ZNF33A: variants seen among roughly 807,000 people sequenced by gnomAD.
The protein encoded by ZNF33A is brain my041 protein.
Under a neutral mutation model 15.9 loss-of-function variants are expected in ZNF33A, and 9 were observed. That is an observed-to-expected ratio of 0.57 (90% CI 0.34 to 0.99). The LOEUF (loss-of-function observed/expected upper bound fraction) is 0.99, where lower values mean the gene tolerates loss of function less well. Ranked by LOEUF, ZNF33A falls within the 50% of genes least tolerant of loss-of-function variation. The probability of loss-of-function intolerance (pLI) is 0.02; values close to 1 mark genes in which losing one functional copy is unlikely to be tolerated. For synonymous variants in ZNF33A, 294 were observed against 324.2 expected, an observed-to-expected ratio of 0.91 and a Z score of 1.00; for missense variants, 843 against 941.6, an observed-to-expected ratio of 0.90 and a Z score of 1.37.
rs536006069 is a variant in ZNF33A, at chr10:38,017,326, C to T, written c.190C>T (p.Leu64=). 1 of 1,613,854 alleles carries T rather than the reference C, an allele frequency of 6.2e-7. No homozygotes were observed. The highest frequency in any genetic ancestry group is 8.5e-7 in the Non-Finnish European group (1 of 1,179,952). The change falls in exon 4 of 5, where the codon CTG becomes TTG. Residue 64 remains leucine, a synonymous_variant. Coordinates refer to ENST00000432900, the MANE Select transcript of ZNF33A (RefSeq NM_006954.2). ...CVHKPEVIFR[L]QQGEEPWKQE... ...TCACAAACCAGAGGTGATCTTCAGGCTGCAACAAGGAGAAGAGCCATGGAA... is the reference window on the plus strand; with the variant it reads ...TCACAAACCAGAGGTGATCTTCAGGTTGCAACAAGGAGAAGAGCCATGGAA...
chr10:38,067,741 A>G (rs575672502), downstream of ZNF33A, among the ~76,000 whole-genome samples: 19 of 152,338 alleles, frequency 1.2e-4, no homozygotes, highest in Non-Finnish European at 1.6e-4. Context: ...GCCATTCATA[A>G]CATTGCACAC....
intron 4 of ZNF33A, among the ~76,000 whole-genome samples, chr10:38,046,708 A>G (rs2065959913): frequency 6.6e-6 from 1 of 152,240 alleles, no homozygotes; most frequent in African/African-American, 2.4e-5. Context: ...CAGAATTGCC[A>G]TAGATATTAG....
intron 1 of ZNF33A, among the ~76,000 whole-genome samples, chr10:38,011,173 A>T (rs578183596): frequency 6.6e-6 from 1 of 152,328 alleles, no homozygotes; most frequent in Admixed American, 6.5e-5. Context: ...GGTTGCACGT[A>T]TTGCATTCAT....
chr10:38,030,232 A>G (rs1419782770), intron 4 of ZNF33A, among the ~76,000 whole-genome samples: 2 of 152,214 alleles, frequency 1.3e-5, no homozygotes, highest in East Asian at 1.9e-4. Flanking sequence ...TAGCATGTCA[A>G]TCACTAGTTG....
downstream of ZNF33A, chr10:38,064,312 A>G: frequency 1.8e-6 from 1 of 557,642 alleles, no homozygotes. Context: ...AGACATTTCT[A>G]CTTCAAAGAG....
chr10:38,055,901 A>G lies in ZNF33A; in HGVS notation c.1777A>G (p.Lys593Glu). 1 of 1,614,078 alleles carries G rather than the reference A, an allele frequency of 6.2e-7. No individual in the cohort carries two copies. The highest frequency in any genetic ancestry group is 8.5e-7 in the Non-Finnish European group (1 of 1,179,992). ...TGAATGTGGAAAAATCTTTTACAAT[A>G]AATCATACCTAACTAAACATAATAG... ...CHECGKIFYN[K>E]SYLTKHNRTH... is the part of the protein sequence containing the mutation. Residue 593 changes from lysine to glutamate, a missense_variant, in exon 5 of 5, where the codon AAA (lysine) becomes GAA (glutamate). Transcript: ENST00000432900.
downstream of ZNF33A, among the ~76,000 whole-genome samples, chr10:38,066,689 C>T (rs990758554): frequency 1.3e-5 from 2 of 151,912 alleles, no homozygotes; most frequent in Non-Finnish European, 2.9e-5. Context: ...AACCCCAGCA[C>T]TTTGGGAGGC....
chr10:38,048,269 A>G (rs2066045476), intron 4 of ZNF33A, among the ~76,000 whole-genome samples: 1 of 152,202 alleles, frequency 6.6e-6, no homozygotes, highest in Non-Finnish European at 1.5e-5. Flanking sequence ...AATCTCTAAA[A>G]AGTATATTGT....
intron 4 of ZNF33A, among the ~76,000 whole-genome samples, chr10:38,036,082 G>T (rs767325117): frequency 1.3e-5 from 2 of 152,082 alleles, no homozygotes; most frequent in Non-Finnish European, 2.9e-5. Flanking sequence ...AATCCAAATA[G>T]AATGCAACAT....
rs2066411772 is a variant in ZNF33A at position 38,055,241 on chromosome 10, A to C, written c.1117A>C (p.Thr373Pro). Residue 373 changes from threonine (T) to proline (P), a missense_variant, in exon 5 of 5, where the codon ACT (threonine) becomes CCT (proline). By Grantham distance (38) the Thr-to-Pro change is conservative. Transcript: ENST00000432900. ...AGCTTTCTGGGATAAGTCAAACCTC[A>C]CTAAACATCAAAGATCACACACAGG... is the stretch of plus-strand genomic sequence containing the variant. ...EKAFWDKSNL[T>P]KHQRSHTGEK... The C allele has an allele frequency of 6.2e-7, 1 of 1,614,066 alleles. No homozygotes were observed. The highest frequency in any genetic ancestry group is 8.5e-7 in the Non-Finnish European group (1 of 1,180,008).
At chr10:38,019,314 C>T (rs903948279) in intron 4 of ZNF33A, among the ~76,000 whole-genome samples, 1 of 152,112 alleles carries the variant, frequency 6.6e-6, no homozygotes, top group Non-Finnish European at 1.5e-5. Context: ...AGGACATGAA[C>T]TCATCATTTT....
chr10:38,014,675 G>T lies in ZNF33A; in HGVS notation c.10-2196G>T, dbSNP rs76095892. Among the ~76,000 whole-genome samples, 990 of 152,090 alleles carry T rather than the reference G, an allele frequency of 6.5e-3. 12 individuals are homozygous for T. Among genetic ancestry groups the T allele is most frequent in the South Asian group, 0.054 (260 of 4,816 alleles). ...TACATATATGTCTGTGTGTTTTTTG[G>T]GCTATGTTCTGTTGGTTGGTTGTGC... On this transcript the variant is annotated intron_variant, in intron 2 of 4. Transcript: ENST00000432900.
intron 4 of ZNF33A, among the ~76,000 whole-genome samples, chr10:38,022,238 T>TA (rs1168083744): frequency 6.6e-6 from 1 of 152,168 alleles, no homozygotes; most frequent in Non-Finnish European, 1.5e-5. Flanking sequence ...CGTCTAGCAA[T>TA]ATTGATTTAA....
chr10:38,033,991 G>T (rs914910064), intron 4 of ZNF33A, among the ~76,000 whole-genome samples: 2 of 152,098 alleles, frequency 1.3e-5, no homozygotes, highest in African/African-American at 4.8e-5. Flanking sequence ...GATTACAGGC[G>T]TGAGCTGCTG....
chr10:38,021,671 C>T (rs1234511516), intron 4 of ZNF33A, among the ~76,000 whole-genome samples: 1 of 151,976 alleles, frequency 6.6e-6, no homozygotes, highest in Non-Finnish European at 1.5e-5. Flanking sequence ...TGCCCAACAA[C>T]AGCAAAATAA....
rs1178571878 is a variant in ZNF33A, at chr10:38,056,746, A to G, written c.*186A>G. The G allele has an allele frequency of 8.0e-7, 1 of 1,244,568 alleles. No homozygotes were observed. The highest frequency in any genetic ancestry group is 3.8e-5 in the Admixed American group (1 of 26,050). The allele number at this position is 1,244,568 out of a possible 1,614,324, so 77.1% of individuals were successfully genotyped here. A position where few individuals can be genotyped will look rare whatever the true frequency, so the allele number is the denominator to read the frequency against. ...AAAGTTTTTGGCAAAAATGCAAATA[A>G]GGTTATGTTAGAATTTACACTGAGG... On this transcript the variant is annotated 3_prime_UTR_variant, in exon 5 of 5. Transcript: ENST00000432900.
intron 4 of ZNF33A, among the ~76,000 whole-genome samples, chr10:38,044,327 C>T (rs763790460): frequency 6.6e-5 from 10 of 151,442 alleles, no homozygotes; most frequent in Non-Finnish European, 1.2e-4. Flanking sequence ...CTTGCCTCAG[C>T]CTCCAGAGTA....
At chr10:38,046,581 A>G (rs2065956004) in intron 4 of ZNF33A, among the ~76,000 whole-genome samples, 1 of 152,238 alleles carries the variant, frequency 6.6e-6, no homozygotes, top group Non-Finnish European at 1.5e-5. Context: ...AAAAGGACCC[A>G]ACATCCAACC....
At position 38,056,172 on chromosome 10, in the gene ZNF33A, A is replaced by G; in HGVS notation, c.2048A>G (p.His683Arg). 2 of 1,614,180 alleles carry G rather than the reference A, an allele frequency of 1.2e-6. No homozygotes were observed. Among genetic ancestry groups the G allele is most frequent in the Non-Finnish European group, 8.5e-7 (1 of 1,180,002 alleles). Residue 683 changes from histidine (H) to arginine (R), a missense_variant, in exon 5 of 5, where the codon CAT becomes CGT. Physicochemically the swap from His to Arg is conservative, Grantham distance 29. Transcript: ENST00000432900. ...TGTGTAAAATCAGGACTTATTTTCC[A>G]TGAGAGAAAGCACACGGGGGAGAAA... ...SFCVKSGLIF[H>R]ERKHTGEKPY... is the part of the protein sequence containing the mutation.
Sources: gnomAD v4.1 joint callset for allele counts (sites outside exome capture counted in the v4.1 genomes callset) on GRCh38, gnomAD v4.1.1 for gene constraint, MANE v1.5 for transcripts, NCBI Gene and HGNC (gene_info 2026-07-23, HGNC 2026-07-21) for gene names.